The following LRRD1 variants were observed in gnomAD, a reference collection of about 807,000 sequenced individuals.
The protein encoded by LRRD1 is leucine rich repeats and death domain containing 1, also known as leucine-rich repeat and death domain-containing protein 1.
LRRD1 carries 49 observed loss-of-function variants against 69.5 expected under a neutral mutation model. The observed-to-expected ratio is 0.70, with a 90% CI of 0.56 to 0.89. The LOEUF is 0.89. Ranked by LOEUF, LRRD1 falls within the 40% of genes least tolerant of loss-of-function variation. The probability of loss-of-function intolerance (pLI) is 0.00; values close to 1 mark genes in which losing one functional copy is unlikely to be tolerated. For synonymous variants in LRRD1, 303 were observed against 338.9 expected, an observed-to-expected ratio of 0.89 and a Z score of 1.16; for missense variants, 853 against 956.0, an observed-to-expected ratio of 0.89 and a Z score of 1.42.
chr7:92,164,927 A>G lies in LRRD1; in HGVS notation c.276T>C (p.Thr92=), dbSNP rs1047269867. The change falls in exon 2 of 6, where the codon ACT becomes ACC. Residue 92 remains threonine, a synonymous_variant. Coordinates refer to ENST00000458448, the MANE Select transcript of LRRD1 (RefSeq NM_001161528.2). The part of the protein sequence containing the change: ...KKNLQFSETS[T]RTGTSQSLSS... ...ATAAACTCTGTGAAGTTCCTGTTCT[A>G]GTGCTTGTTTCAGAAAATTGAAGAT... 1.7e-5 allele frequency: 26 copies of G among 1,551,364 alleles called. No individual in the cohort carries two copies. Among genetic ancestry groups the G allele is most frequent in the Middle Eastern group, 1.7e-4 (1 of 6,010 alleles).
chr7:92,173,113 A>G (rs1394375263), intron 1 of LRRD1, among the ~76,000 whole-genome samples: 1 of 152,238 alleles, frequency 6.6e-6, no homozygotes, highest in Non-Finnish European at 1.5e-5. Context: ...TCTCTTTAAT[A>G]AATGGTGCTG....
chr7:92,142,810 T>G (rs1820193132), downstream of LRRD1: 1 of 437,700 alleles, frequency 2.3e-6, no homozygotes. Flanking sequence ...CTTGCTGGCT[T>G]CAAGAGTGAA....
chr7:92,159,303 G>T, intron 2 of LRRD1, 100 bp from the exon 3 acceptor site: 1 of 888,160 alleles, frequency 1.1e-6, no homozygotes, highest in Non-Finnish European at 1.6e-6. Flanking sequence ...GTCTGTTTTT[G>T]TTTTTGTCTT....
intron 3 of LRRD1, among the ~76,000 whole-genome samples, chr7:92,157,029 C>CTTT (rs34543093): frequency 3.6e-5 from 4 of 111,808 alleles, no homozygotes; most frequent in Non-Finnish European, 7.2e-5. Context: ...ATGATATTTG[C>CTTT]TTTTTTTTTT....
downstream of LRRD1, among the ~76,000 whole-genome samples, chr7:92,143,617 G>A (rs534944502): frequency 1.3e-3 from 202 of 152,214 alleles, no homozygotes; most frequent in Middle Eastern, 3.4e-3. Context: ...CGGCCGCTCC[G>A]AGTGCGGGGC....
chr7:92,165,854 T>C (rs1327029926), intron 1 of LRRD1, among the ~76,000 whole-genome samples: 8 of 84,882 alleles, frequency 9.4e-5, no homozygotes, highest in South Asian at 7.8e-4. Flanking sequence ...AGAGTGAAAC[T>C]CCATCTCAAA....
intron 3 of LRRD1, among the ~76,000 whole-genome samples, chr7:92,154,090 G>A (rs1415435389): frequency 2.6e-5 from 4 of 151,848 alleles, no homozygotes; most frequent in African/African-American, 4.8e-5. Context: ...CACCTGCCTC[G>A]GTTTTCCAAG....
intron 3 of LRRD1, among the ~76,000 whole-genome samples, chr7:92,157,951 T>G (rs886164586): frequency 1.3e-5 from 2 of 152,212 alleles, no homozygotes; most frequent in African/African-American, 4.8e-5. Flanking sequence ...GCATTGTTTC[T>G]TCTATAAAAT....
Position 92,164,752 on chromosome 7 carries a change from T to C in LRRD1, c.451A>G (p.Lys151Glu). ...ADNFTVNLEA[K>E]GLQEFPKDIL... Reference sequence around the variant, plus strand: ...TCCTTAGGAAATTCCTGTAAACCCTTGGCCTCAAGGTTAACTGTAAAGTTA... The same window carrying C: ...TCCTTAGGAAATTCCTGTAAACCCTCGGCCTCAAGGTTAACTGTAAAGTTA... The change falls in exon 2 of 6, where the codon AAG becomes GAG. Residue 151 changes from lysine to glutamate, a missense_variant. Lys to Glu is a moderately conservative substitution (Grantham distance 56, BLOSUM62 1). Coordinates refer to ENST00000458448, the MANE Select transcript of LRRD1 (RefSeq NM_001161528.2). 1.3e-6 allele frequency: 2 copies of C among 1,551,256 alleles called. No homozygotes were observed. The highest frequency in any genetic ancestry group is 1.7e-6 in the Non-Finnish European group (2 of 1,146,776).
At chr7:92,145,641 G>A (rs371742612) in intron 5 of LRRD1, among the ~76,000 whole-genome samples, 4 of 151,688 alleles carry the variant, frequency 2.6e-5, no homozygotes, top group African/African-American at 7.3e-5. Flanking sequence ...GGGTTTCACC[G>A]TGTTAGCCAG....
intron 3 of LRRD1, among the ~76,000 whole-genome samples, chr7:92,158,008 T>C (rs1788704968): frequency 6.6e-6 from 1 of 152,172 alleles, no homozygotes; most frequent in Non-Finnish European, 1.5e-5. Flanking sequence ...GAAATTTTCT[T>C]TGTATGAGAG....
Position 92,159,982 on chromosome 7 carries a change from CAT to C in LRRD1, c.1918-781_1918-780del, listed in dbSNP as rs1381950906. 5.9e-5 allele frequency among the ~76,000 whole-genome samples: 9 copies of C among 152,238 alleles called. No individual in the cohort carries two copies. The South Asian group carries it at 1.2e-3, about 21-fold the overall frequency. On this transcript the variant is annotated intron_variant, in intron 2 of 5. Coordinates refer to ENST00000458448, the MANE Select transcript of LRRD1 (RefSeq NM_001161528.2). ...TAGATTTTCTAAATGACATGATACA[CAT>C]GTTTTATACTTTTTGTATGTGTTTC... is the stretch of plus-strand genomic sequence containing the variant.
intron 1 of LRRD1, among the ~76,000 whole-genome samples, chr7:92,171,861 T>C (rs2131021468): frequency 6.6e-6 from 1 of 152,332 alleles, no homozygotes; most frequent in East Asian, 1.9e-4. Flanking sequence ...GATGGTTCAT[T>C]CAACATATGA....
At chr7:92,156,368 G>A (rs540135225) in intron 3 of LRRD1, among the ~76,000 whole-genome samples, 10 of 152,186 alleles carry the variant, frequency 6.6e-5, no homozygotes, top group Admixed American at 5.9e-4. Context: ...GGATTTTGTT[G>A]GAATTGAGTT....
At chr7:92,167,319 C>T (rs913855160) in intron 1 of LRRD1, among the ~76,000 whole-genome samples, 3 of 151,892 alleles carry the variant, frequency 2.0e-5, no homozygotes, top group Non-Finnish European at 1.5e-5. Context: ...TGGTCTCGAT[C>T]TCCTGACCTT....
chr7:92,154,198 T>C (rs1379211664), intron 3 of LRRD1, among the ~76,000 whole-genome samples: 1 of 152,084 alleles, frequency 6.6e-6, no homozygotes, highest in Non-Finnish European at 1.5e-5. Context: ...TGGATTGTAA[T>C]TTCAGTGTTG....
At chr7:92,147,520 G>C (rs1820359410) in intron 4 of LRRD1, among the ~76,000 whole-genome samples, 1 of 151,726 alleles carries the variant, frequency 6.6e-6, no homozygotes, top group Non-Finnish European at 1.5e-5. Context: ...GTTTGGTGGA[G>C]AATATGGGCA....
rs1584659635 is a variant in LRRD1 at position 92,165,081 on chromosome 7, T to C, written c.122A>G (p.Asn41Ser). Residue 41 changes from asparagine (N) to serine (S), a missense_variant, in exon 2 of 6, where the codon AAC becomes AGC. Asn to Ser is a conservative substitution (Grantham distance 46, BLOSUM62 1). This residue lies in a region of LRRD1 where 99 missense variants were observed against 107.0 expected (regional missense o/e 0.92). Coordinates refer to ENST00000458448, the MANE Select transcript of LRRD1 (RefSeq NM_001161528.2). Reference protein sequence around the residue: ...GFIKETSNLINEASDYLEGKS... With the variant: ...GFIKETSNLISEASDYLEGKS... ...CCCTTCCAGGTAATCAGAAGCTTCG[T>C]TTATCAAATTTGATGTTTCTTTAAT... 5 of 1,551,652 alleles carry C rather than the reference T, an allele frequency of 3.2e-6. No individual in the cohort carries two copies. The highest frequency in any genetic ancestry group is 4.4e-6 in the Non-Finnish European group (5 of 1,146,960).
chr7:92,172,179 A>G (rs558567027), intron 1 of LRRD1, among the ~76,000 whole-genome samples: 1 of 152,286 alleles, frequency 6.6e-6, no homozygotes, highest in Admixed American at 6.5e-5. Flanking sequence ...TCAACCCTCA[A>G]CAAAGGAACA....
Sources: allele counts gnomAD v4.1 joint callset (sites outside exome capture counted in the v4.1 genomes callset), GRCh38; gene constraint gnomAD v4.1.1; regional missense constraint gnomAD v4.1.1; transcripts MANE v1.5; gene names NCBI Gene and HGNC (gene_info 2026-07-23, HGNC 2026-07-21).